Variants in ANXA11 observed in about 807,000 individuals in gnomAD.
ANXA11 encodes the protein 56 kDa autoantigen.
In ANXA11, 57 loss-of-function variants were observed where a neutral mutation model predicts 64.7. The observed-to-expected ratio is 0.88, with a 90% CI of 0.71 to 1.10. The LOEUF (loss-of-function observed/expected upper bound fraction) is 1.10, where lower values mean the gene tolerates loss of function less well. ANXA11 is among the 50% of genes least tolerant of loss of function. The pLI is 0.00. For missense variants in ANXA11, 675 were observed against 670.7 expected (o/e 1.01, Z -0.07); for synonymous variants, 260 against 265.2 (o/e 0.98, Z 0.19).
intron 1 of ANXA11, among the ~76,000 whole-genome samples, chr10:80,186,609 A>G (rs1846549958): frequency 6.6e-6 from 1 of 152,184 alleles, no homozygotes. Context: ...CCGCAGAGGC[A>G]GGGCCTCAGC....
intron 13 of ANXA11, among the ~76,000 whole-genome samples, chr10:80,158,395 T>C (rs1845365117): frequency 6.6e-6 from 1 of 152,102 alleles, no homozygotes; most frequent in African/African-American, 2.4e-5. Context: ...GCCATGACCG[T>C]CATGGAGAAA....
chr10:80,173,004 G>C, intron 2 of ANXA11, 135 bp from the exon 3 acceptor site: 2 of 716,630 alleles, frequency 2.8e-6, no homozygotes, highest in Admixed American at 2.4e-5. Context: ...TGCCCTGCTT[G>C]TCGCAGACCA....
chr10:80,163,386 G>A lies in ANXA11; in HGVS notation c.1049C>T (p.Thr350Ile). Reference sequence around the variant, plus strand: ...CTGGGCGAGTGACATGTCCACGTTTGTGCTTTCATCACGGTTTCCCTGAAA... The same window carrying A: ...CTGGGCGAGTGACATGTCCACGTTTATGCTTTCATCACGGTTTCCCTGAAA... The part of the protein sequence containing the change: ...SLSQGNRDES[T>I]NVDMSLAQRD... The change falls in exon 11 of 16, where the codon ACA becomes ATA. Residue 350 changes from threonine to isoleucine, a missense_variant. Thr to Ile is a moderately conservative substitution (Grantham distance 89). Transcript: ENST00000422982. 1 of 1,613,922 alleles carries A rather than the reference G, an allele frequency of 6.2e-7. No homozygotes were observed. Among genetic ancestry groups the A allele is most frequent in the Non-Finnish European group, 8.5e-7 (1 of 1,180,050 alleles).
chr10:80,182,003 T>C (rs1846372244), intron 1 of ANXA11, among the ~76,000 whole-genome samples: 1 of 152,218 alleles, frequency 6.6e-6, no homozygotes, highest in African/African-American at 2.4e-5. Flanking sequence ...ACAGTAGTGT[T>C]ATTCATAATG....
In ANXA11 at chr10:80,151,325, G is replaced by A. The variant is rs1430180723; in HGVS notation, c.*4528C>T. The A allele has an allele frequency of 6.6e-6, 1 of 152,190 alleles. No homozygotes were observed. Among genetic ancestry groups the A allele is most frequent in the Non-Finnish European group, 1.5e-5 (1 of 68,052 alleles). The allele number at this position is 152,190 out of a possible 1,614,324, so 9.4% of individuals were successfully genotyped here. A position where few individuals can be genotyped will look rare whatever the true frequency, so the allele number is the denominator to read the frequency against. ...TAAGAGTCCTTGGTATACCTGGTGG[G>A]CTTGACTGACTCCTTTACTGACAGG... On this transcript the variant is annotated 3_prime_UTR_variant, in exon 16 of 16. Transcript: ENST00000422982.
chr10:80,157,828 CT>C (rs1845337151), intron 14 of ANXA11, 65 bp from the exon 15 acceptor site: 1 of 1,590,186 alleles, frequency 6.3e-7, no homozygotes, highest in South Asian at 1.1e-5. Flanking sequence ...GCCCTGGGCC[CT>C]CCAGTCCCCT....
intron 2 of ANXA11, among the ~76,000 whole-genome samples, chr10:80,173,243 T>A (rs1027095503): frequency 6.6e-5 from 10 of 152,262 alleles, no homozygotes; most frequent in Admixed American, 5.9e-4. Context: ...AGAGACGCAC[T>A]GCCTCATTCT....
At chr10:80,172,676 T>C (rs1846024395) in intron 3 of ANXA11, 131 bp downstream of exon 3, 1 of 912,830 alleles carries the variant, frequency 1.1e-6, no homozygotes, top group Non-Finnish European at 1.8e-6. Flanking sequence ...ACTCCTGTTG[T>C]CCTCTCCTCC....
chr10:80,157,293 G>C (rs1292879356), intron 15 of ANXA11: 1 of 985,320 alleles, frequency 1.0e-6, no homozygotes, highest in South Asian at 4.7e-5. Flanking sequence ...TTGTCAGGGA[G>C]TGACAGCAGA....
At chr10:80,169,433 A>G in intron 4 of ANXA11, 75 bp from the exon 5 acceptor site, 2 of 1,537,018 alleles carry the variant, frequency 1.3e-6, no homozygotes, top group Non-Finnish European at 1.8e-6. Flanking sequence ...TTTCATACCT[A>G]AGCCAAGTCA....
At chr10:80,156,112 C>T (rs553823028) in intron 15 of ANXA11, among the ~76,000 whole-genome samples, 200 bp from the exon 16 acceptor site, 1 of 152,284 alleles carries the variant, frequency 6.6e-6, no homozygotes, top group African/African-American at 2.4e-5. Flanking sequence ...CATCAGAAGA[C>T]GGAAAGCAGC....
Position 80,167,090 on chromosome 10 carries a change from T to C in ANXA11, c.650-106A>G, listed in dbSNP as rs1025751137. 8 of 1,258,474 alleles carry C rather than the reference T, an allele frequency of 6.4e-6. No homozygotes were observed. In the African/African-American group the frequency reaches 8.9e-5, roughly 14 times the overall value. The allele number at this position is 1,258,474 out of a possible 1,614,324, so 78.0% of individuals were successfully genotyped here. ...TCAACTGTTCTGGGCATGCTAGCCATACCCCCACATCCACCTTCTATCACC... is the reference window on the plus strand; with the variant it reads ...TCAACTGTTCTGGGCATGCTAGCCACACCCCCACATCCACCTTCTATCACC... On this transcript the variant is annotated intron_variant, in intron 6 of 15. Transcript: ENST00000422982.
chr10:80,188,511 AGCAC>A (rs1846638240), intron 1 of ANXA11, among the ~76,000 whole-genome samples: 3 of 126,468 alleles, frequency 2.4e-5, no homozygotes, highest in Non-Finnish European at 3.4e-5. Flanking sequence ...ATATATATAT[AGCAC>A]TACAACAGGT....
At position 80,155,797 on chromosome 10, in the gene ANXA11, T is replaced by C; in HGVS notation, c.*56A>G. ...GTTAGAAACAGACATTCTTTTGGCC[T>C]TTTCCTGGCACTGGTGTTGCCGGCA... On this transcript the variant is annotated 3_prime_UTR_variant, in exon 16 of 16. Transcript: ENST00000422982. The C allele has an allele frequency of 6.5e-7, 1 of 1,526,836 alleles. No homozygotes were observed. Among genetic ancestry groups the C allele is most frequent in the Non-Finnish European group, 9.1e-7 (1 of 1,101,122 alleles). The allele number at this position is 1,526,836 out of a possible 1,614,324, so 94.6% of individuals were successfully genotyped here.
chr10:80,159,886 C>T (rs189581100), intron 12 of ANXA11, among the ~76,000 whole-genome samples: 2 of 152,340 alleles, frequency 1.3e-5, no homozygotes, highest in Admixed American at 6.5e-5. Context: ...TGGCTTTATT[C>T]ATGCATCCAT....
At chr10:80,160,468 A>G (rs74145410) in intron 12 of ANXA11, among the ~76,000 whole-genome samples, 2,008 of 152,280 alleles carry the variant, frequency 0.013, 49 homozygotes, top group African/African-American at 0.046. Context: ...TGTGCAGCAC[A>G]GAGCGGTCGC....
At position 80,190,395 on chromosome 10, in the gene ANXA11, GTTTGC is replaced by G. The variant is rs561028430; in HGVS notation, c.-57-14245_-57-14241del. Among the ~76,000 whole-genome samples, 721 of 151,648 alleles carry G rather than the reference GTTTGC, an allele frequency of 4.8e-3. 2 individuals are homozygous for G. Among genetic ancestry groups the G allele is most frequent in the African/African-American group, 0.016 (673 of 41,282 alleles). On this transcript the variant is annotated intron_variant, in intron 1 of 15. Transcript: ENST00000422982. The stretch of plus-strand genomic sequence containing the variant: ...TTTGAGGTGATGGATATATTAACTA[GTTTGC>G]TTTATTTCACATTGTATTCATAGAT...
At chr10:80,160,254 A>T (rs12416199) in intron 12 of ANXA11, among the ~76,000 whole-genome samples, 17,964 of 152,304 alleles carry the variant, frequency 0.12, 1,272 homozygotes, top group South Asian at 0.26. Flanking sequence ...TGTACTCATT[A>T]AAAGAAATAA....
chr10:80,156,777 T>C (rs1206052934), intron 15 of ANXA11, among the ~76,000 whole-genome samples: 1 of 152,208 alleles, frequency 6.6e-6, no homozygotes, highest in East Asian at 1.9e-4. Context: ...GTGCTGGGAT[T>C]ACAGGCGTGA....
Sources: gnomAD v4.1 joint callset for allele counts (sites outside exome capture counted in the v4.1 genomes callset) on GRCh38, gnomAD v4.1.1 for gene constraint, MANE v1.5 for transcripts, NCBI Gene and HGNC (gene_info 2026-07-23, HGNC 2026-07-21) for gene names.